ATP2C2: variants seen among roughly 807,000 people sequenced by gnomAD.
The protein encoded by ATP2C2 is ATPase secretory pathway Ca2+ transporting 2.
A neutral mutation model predicts 110.8 loss-of-function variants in ATP2C2; 171 were observed. That is an observed-to-expected ratio of 1.54 (90% CI 1.36 to 1.75). The LOEUF (loss-of-function observed/expected upper bound fraction) is 1.75, where lower values mean the gene tolerates loss of function less well. ATP2C2 is among the 40% of genes most tolerant of loss of function. The pLI, the probability that ATP2C2 is intolerant of heterozygous loss-of-function variation, is 0.00. For synonymous variants in ATP2C2, 804 were observed against 508.4 expected (o/e 1.58, Z -7.82); for missense variants, 1,963 against 1,235.0 (o/e 1.59, Z -8.84).
At chr16:84,414,161 G>A (rs1906629993) in intron 6 of ATP2C2, among the ~76,000 whole-genome samples, 1 of 152,208 alleles carries the variant, frequency 6.6e-6, no homozygotes, top group African/African-American at 2.4e-5. Flanking sequence ...AGCCTGCCAT[G>A]GGAGGAGCTG....
intron 13 of ATP2C2, among the ~76,000 whole-genome samples, chr16:84,440,553 G>T (rs1311629843): frequency 2.0e-5 from 3 of 152,212 alleles, no homozygotes; most frequent in African/African-American, 7.2e-5. Context: ...CGTTTACCCA[G>T]CGCTGTTCTT....
chr16:84,398,418 T>A, intron 1 of ATP2C2, 81 bp from the exon 2 acceptor site: 3 of 845,828 alleles, frequency 3.5e-6, no homozygotes, highest in Non-Finnish European at 5.0e-6. Context: ...AAAAATAAAC[T>A]AATAAAAATA....
Position 84,423,266 on chromosome 16 carries a change from G to T in ATP2C2, c.919+3G>T. 1.2e-6 allele frequency: 2 copies of T among 1,613,228 alleles called. No individual in the cohort carries two copies. The highest frequency in any genetic ancestry group is 8.5e-7 in the Non-Finnish European group (1 of 1,179,146). ...ACTCTTCTCCTTTGGCATAATCGGT[G>T]AGTGAAGCAGTTTCCATACTGGGTT... On this transcript the variant is annotated splice_donor_region_variant and intron_variant, in intron 10 of 26. Transcript: ENST00000262429.
chr16:84,376,689 G>A (rs948031140), intron 1 of ATP2C2, among the ~76,000 whole-genome samples: 1 of 152,238 alleles, frequency 6.6e-6, no homozygotes, highest in Non-Finnish European at 1.5e-5. Context: ...GGGGAGGACA[G>A]TCATGGCCGC....
chr16:84,428,789 G>A (rs535421626), intron 11 of ATP2C2, among the ~76,000 whole-genome samples: 24 of 152,192 alleles, frequency 1.6e-4, no homozygotes, highest in Non-Finnish European at 2.5e-4. Flanking sequence ...AGGAAAAGAA[G>A]AACAAGAAAA....
intron 1 of ATP2C2, among the ~76,000 whole-genome samples, chr16:84,396,545 A>C (rs1313347009): frequency 9.6e-6 from 1 of 104,432 alleles, no homozygotes; most frequent in Non-Finnish European, 1.9e-5. Flanking sequence ...GTGAGGCTCT[A>C]TCTCAAAAAA....
chr16:84,450,165 G>T (rs1334871853), intron 17 of ATP2C2, among the ~76,000 whole-genome samples: 1 of 152,240 alleles, frequency 6.6e-6, no homozygotes, highest in Non-Finnish European at 1.5e-5. Flanking sequence ...GTACACGCAG[G>T]TCCTTTTTTG....
intron 6 of ATP2C2, among the ~76,000 whole-genome samples, chr16:84,411,742 G>T (rs546522490): frequency 6.6e-6 from 1 of 152,146 alleles, no homozygotes; most frequent in South Asian, 2.1e-4. Flanking sequence ...GTGCCCGGCC[G>T]ACAAACTAAA....
At chr16:84,419,970 C>T (rs1907181059) in intron 7 of ATP2C2, among the ~76,000 whole-genome samples, 1 of 152,154 alleles carries the variant, frequency 6.6e-6, no homozygotes, top group Non-Finnish European at 1.5e-5. Context: ...CGCAAAACAG[C>T]CGTTTTAGGC....
chr16:84,451,637 A>G (rs150522053), intron 17 of ATP2C2, among the ~76,000 whole-genome samples: 1,920 of 152,300 alleles, frequency 0.013, 55 homozygotes, highest in African/African-American at 0.044. Flanking sequence ...CAGGAGTTTG[A>G]GACCAGCCTG....
intron 11 of ATP2C2, among the ~76,000 whole-genome samples, chr16:84,429,667 A>G (rs1440362731): frequency 6.6e-6 from 1 of 152,122 alleles, no homozygotes; most frequent in Non-Finnish European, 1.5e-5. Flanking sequence ...GGCTAGAGGA[A>G]GAGAGCTGGG....
intron 11 of ATP2C2, among the ~76,000 whole-genome samples, chr16:84,429,053 G>A (rs67991671): frequency 6.6e-6 from 1 of 151,958 alleles, no homozygotes; most frequent in Admixed American, 6.6e-5. Context: ...ACCCAAGGGG[G>A]TCTATTGAAT....
At chr16:84,442,748 T>C in intron 15 of ATP2C2, 149 bp downstream of exon 15, 1 of 736,328 alleles carries the variant, frequency 1.4e-6, no homozygotes, top group South Asian at 1.6e-5. Context: ...GGGCCATCTG[T>C]TGGTGGTGGA....
chr16:84,461,778 T>TC lies in ATP2C2; in HGVS notation c.2547dup (p.Asp850ArgfsTer17). ...ATGACGTTCACTTGTTTTGTGTTTT[T>TC]CGATCTCTTCAACGCCTTGACCTGC... On this transcript the variant is annotated frameshift_variant, in exon 25 of 27. Transcript: ENST00000262429. LOFTEE classifies it high-confidence loss of function. 6.2e-7 allele frequency: 1 copy of TC among 1,614,224 alleles called. No homozygotes were observed. The highest frequency in any genetic ancestry group is 8.5e-7 in the Non-Finnish European group (1 of 1,180,024).
At chr16:84,435,158 G>T (rs1343489404) in intron 11 of ATP2C2, among the ~76,000 whole-genome samples, 1 of 152,220 alleles carries the variant, frequency 6.6e-6, no homozygotes, top group Non-Finnish European at 1.5e-5. Flanking sequence ...AACATTTAAT[G>T]TACCATATTT....
At chr16:84,377,113 G>A (rs1910294748) in intron 1 of ATP2C2, among the ~76,000 whole-genome samples, 1 of 152,146 alleles carries the variant, frequency 6.6e-6, no homozygotes, top group Non-Finnish European at 1.5e-5. Flanking sequence ...GTGAGTAGTG[G>A]AAGCCGTGTG....
chr16:84,451,933 C>G lies in ATP2C2; in HGVS notation c.1673C>G (p.Ala558Gly), dbSNP rs779949165. The G allele has an allele frequency of 2.2e-5, 35 of 1,613,898 alleles. No individual in the cohort carries two copies. In the Middle Eastern group the frequency reaches 1.3e-3, roughly 61 times the overall value. The part of the protein sequence containing the change: ...GSLGLRVLAL[A>G]SGPELGRLTF... Reference sequence around the variant, plus strand: ...CCTCTCTCCTCAGTGCTGGCCCTGGCTTCTGGGCCCGAGCTGGGGCGGCTG... The same window carrying G: ...CCTCTCTCCTCAGTGCTGGCCCTGGGTTCTGGGCCCGAGCTGGGGCGGCTG... The change falls in exon 18 of 27, where the codon GCT becomes GGT. Residue 558 changes from alanine to glycine, a missense_variant. By Grantham distance (60) the Ala-to-Gly change is moderately conservative (BLOSUM62 0). Coordinates refer to ENST00000262429, the MANE Select transcript of ATP2C2 (RefSeq NM_014861.4).
chr16:84,374,611 C>A (rs906058175), intron 1 of ATP2C2, among the ~76,000 whole-genome samples: 1 of 152,022 alleles, frequency 6.6e-6, no homozygotes, highest in African/African-American at 2.4e-5. Flanking sequence ...GAAGGAACTT[C>A]CAGTGTGTTA....
chr16:84,425,296 A>C (rs1157289274), intron 10 of ATP2C2, among the ~76,000 whole-genome samples: 1 of 152,212 alleles, frequency 6.6e-6, no homozygotes, highest in Non-Finnish European at 1.5e-5. Context: ...TTAATGAAGG[A>C]AAATGGAAAT....
Sources: allele counts gnomAD v4.1 joint callset (sites outside exome capture counted in the v4.1 genomes callset), GRCh38; gene constraint gnomAD v4.1.1; transcripts MANE v1.5; gene names NCBI Gene and HGNC (gene_info 2026-07-23, HGNC 2026-07-21).